The following HIP1 variants were observed in gnomAD, a reference collection of about 807,000 sequenced individuals.
HIP1 encodes huntingtin interacting protein 1.
Under a neutral mutation model 147.6 loss-of-function variants are expected in HIP1, and 65 were observed. That is an observed-to-expected ratio of 0.44 (90% CI 0.36 to 0.54). HIP1 has a LOEUF of 0.54. Ranked by LOEUF, HIP1 falls within the 20% of genes least tolerant of loss-of-function variation. The probability of loss-of-function intolerance (pLI) is 0.00; values close to 1 mark genes in which losing one functional copy is unlikely to be tolerated. For missense variants in HIP1, 1,061 were observed against 1,299.6 expected, an observed-to-expected ratio of 0.82 and a Z score of 2.82; for synonymous variants, 479 against 504.0, an observed-to-expected ratio of 0.95 and a Z score of 0.67.
intron 13 of HIP1, 27 bp downstream of exon 13, chr7:75,561,302 C>T: frequency 6.6e-7 from 1 of 1,522,980 alleles, no homozygotes; most frequent in South Asian, 1.1e-5. Flanking sequence ...TGGTGAAGCG[C>T]AAAGGCAGAG....
At chr7:75,709,663 G>A (rs2117347885) in intron 1 of HIP1, among the ~76,000 whole-genome samples, 1 of 152,210 alleles carries the variant, frequency 6.6e-6, no homozygotes, top group East Asian at 1.9e-4. Context: ...CAATTTGGAT[G>A]CCTTTTATTT....
chr7:75,591,927 T>C, intron 4 of HIP1, 129 bp downstream of exon 4: 1 of 801,464 alleles, frequency 1.2e-6, no homozygotes, highest in Admixed American at 1.8e-5. Context: ...AGTCCGTCTC[T>C]GGCACCCATG....
chr7:75,555,484 T>A lies in HIP1; in HGVS notation c.1895A>T (p.Glu632Val), dbSNP rs141940280. 6.2e-7 allele frequency: 1 copy of A among 1,614,212 alleles called. No homozygotes were observed. Among genetic ancestry groups the A allele is most frequent in the Non-Finnish European group, 8.5e-7 (1 of 1,180,040 alleles). The change falls in exon 19 of 31, where the codon GAG (glutamate) becomes GTG (valine). Residue 632 changes from glutamate (E) to valine (V), a missense_variant. Around this residue, in one of 3 missense-constraint regions of HIP1, gnomAD observed 810 missense variants for 946.8 expected, o/e 0.86. Transcript: ENST00000336926. ...GTTCAGGGCGTCTTGTATCACCTGCTCCGCAGCCTTCCTGGACCCCACCAG... is the reference window on the plus strand; with the variant it reads ...GTTCAGGGCGTCTTGTATCACCTGCACCGCAGCCTTCCTGGACCCCACCAG... ...MLLVGSRKAA[E>V]QVIQDALNQL...
intron 1 of HIP1, among the ~76,000 whole-genome samples, chr7:75,671,684 T>C (rs376021386): frequency 1.3e-5 from 2 of 152,150 alleles, no homozygotes; most frequent in East Asian, 3.8e-4. Context: ...CCTCCAATCA[T>C]GCACAAGGAT....
At chr7:75,597,080 G>A (rs903531612) in intron 2 of HIP1, among the ~76,000 whole-genome samples, 7 of 152,288 alleles carry the variant, frequency 4.6e-5, no homozygotes, top group African/African-American at 1.2e-4. Context: ...GGTACCAAAC[G>A]TGATGCAGGA....
chr7:75,636,083 T>C (rs1276573391), intron 1 of HIP1, among the ~76,000 whole-genome samples: 1 of 146,512 alleles, frequency 6.8e-6, no homozygotes, highest in Non-Finnish European at 1.5e-5. Flanking sequence ...GGCTCACGCC[T>C]GTAATTCTAG....
At chr7:75,640,946 A>T (rs1328292952) in intron 1 of HIP1, among the ~76,000 whole-genome samples, 2 of 151,856 alleles carry the variant, frequency 1.3e-5, no homozygotes, top group African/African-American at 4.8e-5. Flanking sequence ...GTCAAAGCTG[A>T]GTTCTTATCG....
chr7:75,545,170 C>T lies in HIP1; in HGVS notation c.2578G>A (p.Glu860Lys), dbSNP rs782176177. ...ESGRGTASPKEFYAKNSRWTE... is the reference protein window; with the variant it reads ...ESGRGTASPKKFYAKNSRWTE... ...CATCGAGAGTTCTTGGCATAAAACT[C>T]TTTAGGGGATGCTGTACCCTAGGGA... is the stretch of plus-strand genomic sequence containing the variant. Residue 860 changes from glutamate (E) to lysine (K), a missense_variant, in exon 26 of 31, where the codon GAG (glutamate) becomes AAG (lysine). Transcript: ENST00000336926. The T allele has an allele frequency of 6.2e-7, 1 of 1,609,918 alleles. No individual in the cohort carries two copies. Among genetic ancestry groups the T allele is most frequent in the African/African-American group, 1.3e-5 (1 of 74,874 alleles).
chr7:75,730,405 T>C (rs1207420320), intron 1 of HIP1, among the ~76,000 whole-genome samples: 1 of 151,400 alleles, frequency 6.6e-6, no homozygotes, highest in African/African-American at 2.4e-5. Flanking sequence ...AATGGCGCGA[T>C]CTCAGCTCAC....
Position 75,561,329 on chromosome 7 carries a change from C to G in HIP1, c.1191G>C (p.Glu397Asp). The change falls in exon 13 of 31, where the codon GAG becomes GAC. Residue 397 changes from glutamate (E) to aspartate (D), a missense_variant and splice_region_variant. Glu to Asp is a conservative substitution (Grantham distance 45, BLOSUM62 2). This residue lies in a region of HIP1 where 810 missense variants were observed against 946.8 expected (regional missense o/e 0.86). Coordinates refer to ENST00000336926, the MANE Select transcript of HIP1 (RefSeq NM_005338.7). ...AAGGCAGAGCAGATCCAAGTTATACCTCAGTCTTCATGTTTTCTAGCTGTG... is the reference window on the plus strand; with the variant it reads ...AAGGCAGAGCAGATCCAAGTTATACGTCAGTCTTCATGTTTTCTAGCTGTG... ...LKAQLENMKT[E>D]SQRVVLQLKG... 6.2e-7 allele frequency: 1 copy of G among 1,602,966 alleles called. No individual in the cohort carries two copies. Among genetic ancestry groups the G allele is most frequent in the Non-Finnish European group, 8.5e-7 (1 of 1,169,848 alleles).
chr7:75,657,143 C>T (rs1799167166), intron 1 of HIP1, among the ~76,000 whole-genome samples: 1 of 152,166 alleles, frequency 6.6e-6, no homozygotes, highest in Non-Finnish European at 1.5e-5. Context: ...TTTACAATGG[C>T]AAAGACATGG....
At chr7:75,558,050 G>A (rs1218124989) in intron 15 of HIP1, 117 bp downstream of exon 15, 2 of 810,166 alleles carry the variant, frequency 2.5e-6, no homozygotes, top group African/African-American at 3.4e-5. Context: ...CGAGATGACG[G>A]CAATGCCTTA....
chr7:75,722,767 G>T (rs1303285770), intron 1 of HIP1, among the ~76,000 whole-genome samples: 1 of 152,050 alleles, frequency 6.6e-6, no homozygotes, highest in Non-Finnish European at 1.5e-5. Context: ...TTTTTTTAAG[G>T]TTAAGTAAAT....
At chr7:75,713,790 T>G (rs1554520315) in intron 1 of HIP1, among the ~76,000 whole-genome samples, 1 of 149,936 alleles carries the variant, frequency 6.7e-6, no homozygotes, top group African/African-American at 2.5e-5. Context: ...TCTGCCTGCC[T>G]CCCGGGTTCA....
At chr7:75,635,615 T>TGGA (rs1554509561) in intron 1 of HIP1, among the ~76,000 whole-genome samples, 2 of 149,464 alleles carry the variant, frequency 1.3e-5, no homozygotes, top group Admixed American at 6.7e-5. Context: ...CACTAGTGTG[T>TGGA]GGAAGATTTA....
At chr7:75,696,532 CTCCCCTCCCTTCCCT>C (rs1800640808) in intron 1 of HIP1, among the ~76,000 whole-genome samples, 2 of 105,110 alleles carry the variant, frequency 1.9e-5, no homozygotes, top group Non-Finnish European at 4.0e-5. Flanking sequence ...CTCCCTTCCC[CTCCCCTCCCTTCCCT>C]TCCCCTCCCC....
At chr7:75,728,618 C>A (rs1157020891) in intron 1 of HIP1, among the ~76,000 whole-genome samples, 1 of 152,158 alleles carries the variant, frequency 6.6e-6, no homozygotes, top group Admixed American at 6.6e-5. Flanking sequence ...AGAGGGGGAA[C>A]CCTTTCAGTG....
At chr7:75,661,598 G>A (rs1468234097) in intron 1 of HIP1, among the ~76,000 whole-genome samples, 29 of 150,238 alleles carry the variant, frequency 1.9e-4, no homozygotes, top group South Asian at 6.3e-4. Flanking sequence ...AAAAAAGGGA[G>A]GGACAACAAG....
At chr7:75,631,942 A>G (rs1277472020) in intron 1 of HIP1, among the ~76,000 whole-genome samples, 1 of 151,864 alleles carries the variant, frequency 6.6e-6, no homozygotes, top group Non-Finnish European at 1.5e-5. Context: ...GGAGGGAGAG[A>G]TAGTGTGATG....
Sources: gnomAD v4.1 joint callset for allele counts (sites outside exome capture counted in the v4.1 genomes callset) on GRCh38, gnomAD v4.1.1 for gene constraint, gnomAD v4.1.1 regional missense constraint, MANE v1.5 for transcripts, NCBI Gene and HGNC (gene_info 2026-07-23, HGNC 2026-07-21) for gene names.